TNRC6A: variants seen among roughly 807,000 people sequenced by gnomAD.
TNRC6A encodes the protein trinucleotide repeat-containing gene 6A protein.
A neutral mutation model predicts 221.2 loss-of-function variants in TNRC6A; 44 were observed. That is an observed-to-expected ratio of 0.20 (90% CI 0.16 to 0.26). TNRC6A has a LOEUF of 0.26. Among genes scored for constraint, TNRC6A ranks in the 10% least tolerant of loss-of-function variants. The probability of loss-of-function intolerance (pLI) is 1.00; values close to 1 mark genes in which losing one functional copy is unlikely to be tolerated. For missense variants in TNRC6A, 2,199 were observed against 2,404.4 expected (o/e 0.91, Z 1.79); for synonymous variants, 847 against 838.5 (o/e 1.01, Z -0.18).
Position 24,823,586 on chromosome 16 carries a change from T to C in TNRC6A, c.5668T>C (p.Ser1890Pro), listed in dbSNP as rs1246391300. 7 of 1,613,976 alleles carry C rather than the reference T, an allele frequency of 4.3e-6. No homozygotes were observed. In the Admixed American group the frequency reaches 1.2e-4, roughly 27 times the overall value. Residue 1890 changes from serine (S) to proline (P), a missense_variant, in exon 25 of 25, where the codon TCA becomes CCA. Transcript: ENST00000395799. This position sits in a 1 kb window ranked among gnomAD's most constrained non-coding sequence, Gnocchi z 4.3. The part of the protein sequence containing the change: ...SRLGSLDCSH[S>P]FSSRTDLNHW... ...GCTGGGCTCCCTCGACTGTTCCCAC[T>C]CATTCTCCAGCCGGACCGATCTCAA...
At chr16:24,632,708 C>A (rs1369580363) in intron 1 of TNRC6A, among the ~76,000 whole-genome samples, 3 of 152,020 alleles carry the variant, frequency 2.0e-5, no homozygotes, top group Non-Finnish European at 4.4e-5. Context: ...GTTGTCTTCA[C>A]ATTAAAAATA....
intron 2 of TNRC6A, among the ~76,000 whole-genome samples, chr16:24,688,549 A>G (rs948405439): frequency 5.9e-5 from 9 of 152,206 alleles, no homozygotes; most frequent in African/African-American, 2.2e-4. Context: ...GCCTAAGTCA[A>G]TCAGGACATG....
intron 2 of TNRC6A, among the ~76,000 whole-genome samples, chr16:24,669,069 A>G (rs956745660): frequency 6.6e-6 from 1 of 152,042 alleles, no homozygotes; most frequent in African/African-American, 2.4e-5. Context: ...TATTTGACCA[A>G]TGAAAGGGGG....
intron 2 of TNRC6A, among the ~76,000 whole-genome samples, chr16:24,703,245 C>G (rs1287723652): frequency 6.6e-6 from 1 of 152,154 alleles, no homozygotes; most frequent in Non-Finnish European, 1.5e-5. Context: ...TCTACTTCCT[C>G]TCTCTATGGA....
At chr16:24,792,250 A>C (rs1189801925) in intron 6 of TNRC6A, among the ~76,000 whole-genome samples, 1 of 152,164 alleles carries the variant, frequency 6.6e-6, no homozygotes, top group Non-Finnish European at 1.5e-5. Context: ...GAGAAATCCA[A>C]CTCTACTTAG....
At chr16:24,670,412 C>T (rs926751802) in intron 2 of TNRC6A, among the ~76,000 whole-genome samples, 7 of 152,116 alleles carry the variant, frequency 4.6e-5, no homozygotes, top group East Asian at 3.9e-4. Context: ...CAACCCTTCC[C>T]GCAAGGGTCT....
At position 24,665,339 on chromosome 16, in the gene TNRC6A, C is replaced by T. The variant is rs558897499; in HGVS notation, n.402+24330C>T. ...GTCTTCCTGCCTTTGTCTCCTAAAGCGCTGGGATTACAGGCATGAGCCACC... is the reference window on the plus strand; with the variant it reads ...GTCTTCCTGCCTTTGTCTCCTAAAGTGCTGGGATTACAGGCATGAGCCACC... On this transcript the variant is annotated intron_variant and non_coding_transcript_variant, in intron 2 of 2. Transcript: ENST00000566108. 5.9e-5 allele frequency among the ~76,000 whole-genome samples: 9 copies of T among 152,178 alleles called. No homozygotes were observed. The South Asian group carries it at 1.5e-3, about 25-fold the overall frequency.
intron 2 of TNRC6A, among the ~76,000 whole-genome samples, chr16:24,706,895 T>A (rs2056104082): frequency 6.6e-6 from 1 of 151,960 alleles, no homozygotes; most frequent in Admixed American, 6.6e-5. Flanking sequence ...TTTGAAAAAC[T>A]TAAGTTAAAG....
At chr16:24,687,236 C>CT (rs994081504) in intron 2 of TNRC6A, among the ~76,000 whole-genome samples, 2 of 152,170 alleles carry the variant, frequency 1.3e-5, no homozygotes, top group Non-Finnish European at 2.9e-5. Flanking sequence ...AATATCCATT[C>CT]AATGTCTACA....
intron 13 of TNRC6A, 28 bp from the exon 14 acceptor site, chr16:24,804,986 T>A: frequency 6.2e-7 from 1 of 1,614,204 alleles, no homozygotes; most frequent in African/African-American, 1.3e-5. Flanking sequence ...AGAATCCCAC[T>A]GTTACTTGTT....
intron 18 of TNRC6A, among the ~76,000 whole-genome samples, chr16:24,814,047 G>T (rs1448031619): frequency 6.6e-6 from 1 of 152,196 alleles, no homozygotes; most frequent in African/African-American, 2.4e-5. Context: ...ACAGATCAGA[G>T]TGACAAGATT....
chr16:24,664,364 A>G (rs1043378830), intron 2 of TNRC6A, among the ~76,000 whole-genome samples: 2 of 148,026 alleles, frequency 1.4e-5, no homozygotes, highest in Non-Finnish European at 3.0e-5. Flanking sequence ...AAATAACAAT[A>G]TTTATTATGT....
At chr16:24,672,458 T>C (rs1293795559) in intron 2 of TNRC6A, among the ~76,000 whole-genome samples, 1 of 151,600 alleles carries the variant, frequency 6.6e-6, no homozygotes, top group Non-Finnish European at 1.5e-5. Flanking sequence ...TTTATTTTTT[T>C]TGAGACAGGG....
chr16:24,636,040 C>T (rs1044807269), intron 1 of TNRC6A, among the ~76,000 whole-genome samples: 4 of 152,176 alleles, frequency 2.6e-5, no homozygotes, highest in Admixed American at 6.5e-5. Flanking sequence ...GGGCACTGAT[C>T]GCCTTGGGGA....
intron 2 of TNRC6A, among the ~76,000 whole-genome samples, chr16:24,717,443 G>A (rs1380355533): frequency 1.3e-5 from 2 of 152,160 alleles, no homozygotes; most frequent in East Asian, 3.8e-4. Context: ...AGAAAAAGTA[G>A]GGAAGCAACC....
At chr16:24,758,759 A>G (rs2057303045) in intron 4 of TNRC6A, among the ~76,000 whole-genome samples, 1 of 152,072 alleles carries the variant, frequency 6.6e-6, no homozygotes, top group Admixed American at 6.6e-5. Flanking sequence ...TTCTCTGAAG[A>G]ATGTCCCCCA....
chr16:24,707,625 CA>C (rs2056122323), intron 2 of TNRC6A, among the ~76,000 whole-genome samples: 1 of 151,982 alleles, frequency 6.6e-6, no homozygotes, highest in South Asian at 2.1e-4. Flanking sequence ...TTAAATTGGG[CA>C]AAGAATGATG....
At chr16:24,729,941 C>CAGCAGAGGCGG in intron 1 of TNRC6A, 95 bp downstream of exon 1, 17 of 1,062,598 alleles carry the variant, frequency 1.6e-5, no homozygotes, top group Non-Finnish European at 2.0e-5. Context: ...GGCGGCGGCG[C>CAGCAGAGGCGG]CGGGCGTCCC....
intron 1 of TNRC6A, among the ~76,000 whole-genome samples, chr16:24,616,298 C>A (rs1285295689): frequency 6.8e-6 from 1 of 146,098 alleles, no homozygotes; most frequent in Non-Finnish European, 1.5e-5. Context: ...TGCACTCCAG[C>A]CTGGGAGACA....
Sources: gnomAD v4.1 joint callset for allele counts (sites outside exome capture counted in the v4.1 genomes callset) on GRCh38, gnomAD v4.1.1 for gene constraint, Gnocchi (gnomAD v3.1) non-coding constraint, MANE v1.5 for transcripts, NCBI Gene and HGNC (gene_info 2026-07-23, HGNC 2026-07-21) for gene names.